MGAT4C: variants seen among roughly 807,000 people sequenced by gnomAD.
MGAT4C encodes alpha-1,3-mannosyl-glycoprotein 4-beta-N-acetylglucosaminyltransferase C.
A neutral mutation model predicts 40.1 loss-of-function variants in MGAT4C; 19 were observed. That is an observed-to-expected ratio of 0.47 (90% CI 0.33 to 0.70). The LOEUF (loss-of-function observed/expected upper bound fraction) is 0.70. Ranked by LOEUF, MGAT4C falls within the 30% of genes least tolerant of loss-of-function variation. MGAT4C has a pLI of 0.02. For synonymous variants in MGAT4C, 181 were observed against 187.1 expected (o/e 0.97, Z 0.27); for missense variants, 491 against 563.2 (o/e 0.87, Z 1.30).
At chr12:86,037,221 T>C (rs1189135006) in intron 2 of MGAT4C, among the ~76,000 whole-genome samples, 1 of 150,082 alleles carries the variant, frequency 6.7e-6, no homozygotes, top group African/African-American at 2.4e-5. Flanking sequence ...TCGATTTCGT[T>C]GATCTTTTCA....
intron 2 of MGAT4C, among the ~76,000 whole-genome samples, chr12:86,587,574 A>C (rs936598190): frequency 1.1e-4 from 16 of 152,086 alleles, no homozygotes; most frequent in Admixed American, 8.5e-4. Context: ...CATTCTTCCT[A>C]CCCATGAGCA....
intron 2 of MGAT4C, among the ~76,000 whole-genome samples, chr12:86,581,975 T>C (rs912724659): frequency 6.6e-6 from 1 of 151,522 alleles, no homozygotes; most frequent in Admixed American, 6.6e-5. Flanking sequence ...GTCCGTGTCT[T>C]ATAGATTTTC....
chr12:86,302,805 T>C (rs1304329233), intron 4 of MGAT4C, among the ~76,000 whole-genome samples: 1 of 150,624 alleles, frequency 6.6e-6, no homozygotes, highest in Admixed American at 6.6e-5. Context: ...TTAGGAAGAT[T>C]ACAGAATCTG....
At chr12:86,323,905 T>C (rs1240596288) in intron 4 of MGAT4C, among the ~76,000 whole-genome samples, 1 of 151,910 alleles carries the variant, frequency 6.6e-6, no homozygotes, top group Non-Finnish European at 1.5e-5. Flanking sequence ...CCATGAATTA[T>C]TCAAGTTTAT....
In MGAT4C at chr12:85,968,366, A is replaced by G. The variant is rs944950342; in HGVS notation, c.*10923T>C. 6.6e-6 allele frequency: 1 copy of G among 152,004 alleles called. No homozygotes were observed. Among genetic ancestry groups the G allele is most frequent in the Non-Finnish European group, 1.5e-5 (1 of 67,926 alleles). 9.4% of individuals were successfully genotyped at this position (152,004 alleles called of 1,614,324 possible). On this transcript the variant is annotated 3_prime_UTR_variant, in exon 5 of 5. Coordinates refer to ENST00000611864, the MANE Select transcript of MGAT4C (RefSeq NM_001351288.2). Reference sequence around the variant, plus strand: ...GTTAAAAAGTGGATTTATAGTCTCTAATTAATAAGGTGCATATGTCAAGAC... The same window carrying G: ...GTTAAAAAGTGGATTTATAGTCTCTGATTAATAAGGTGCATATGTCAAGAC...
At chr12:86,276,501 A>G (rs1411350457) in intron 4 of MGAT4C, among the ~76,000 whole-genome samples, 1 of 152,184 alleles carries the variant, frequency 6.6e-6, no homozygotes, top group Non-Finnish European at 1.5e-5. Context: ...GGTATCAAAT[A>G]GTAGAAGGTA....
chr12:86,479,967 C>T (rs1957905643), intron 2 of MGAT4C, among the ~76,000 whole-genome samples: 1 of 151,574 alleles, frequency 6.6e-6, no homozygotes, highest in African/African-American at 2.4e-5. Context: ...AGAAAGGATC[C>T]TAAGTTAATT....
intron 2 of MGAT4C, among the ~76,000 whole-genome samples, chr12:86,555,852 T>C (rs1041331982): frequency 6.6e-6 from 1 of 152,124 alleles, no homozygotes; most frequent in Admixed American, 6.5e-5. Context: ...TGGACCTGCT[T>C]TTCTCTCTCA....
intron 2 of MGAT4C, among the ~76,000 whole-genome samples, chr12:86,476,520 G>A (rs1957837753): frequency 6.6e-6 from 1 of 151,950 alleles, no homozygotes; most frequent in Admixed American, 6.6e-5. Flanking sequence ...GCAGTTTGGA[G>A]ATTTCTCAAA....
At position 86,494,785 on chromosome 12, in the gene MGAT4C, T is replaced by C. The variant is rs975936211; in HGVS notation, c.-228-59520A>G. 4.6e-5 allele frequency among the ~76,000 whole-genome samples: 7 copies of C among 151,848 alleles called. No homozygotes were observed. In the East Asian group the frequency reaches 1.3e-3, roughly 29 times the overall value. ...TCAAATAGAGAAATAGAGGAAATAA[T>C]AAAAATAGGCAACTAGTTCATCAAA... On this transcript the variant is annotated intron_variant, in intron 2 of 7. Coordinates refer to the MGAT4C transcript ENST00000548651.
intron 1 of MGAT4C, among the ~76,000 whole-genome samples, chr12:86,770,149 T>C (rs1008818782): frequency 6.6e-6 from 1 of 152,054 alleles, no homozygotes; most frequent in South Asian, 2.1e-4. Flanking sequence ...AGAGACTATT[T>C]TTTTTCATAG....
chr12:86,698,137 T>C (rs1379686711), intron 2 of MGAT4C, among the ~76,000 whole-genome samples: 1 of 152,048 alleles, frequency 6.6e-6, no homozygotes, highest in Non-Finnish European at 1.5e-5. Context: ...TGAGAAATAC[T>C]TGCAACACAT....
chr12:86,388,675 GTTTTTTT>G (rs752469980), intron 3 of MGAT4C, among the ~76,000 whole-genome samples: 3 of 98,752 alleles, frequency 3.0e-5, no homozygotes, highest in East Asian at 3.1e-4. Context: ...AGCGTTTTTT[GTTTTTTT>G]TTTTTTTTTT....
At chr12:86,020,825 G>A (rs1035693899) in intron 2 of MGAT4C, among the ~76,000 whole-genome samples, 8 of 152,068 alleles carry the variant, frequency 5.3e-5, no homozygotes, top group African/African-American at 1.9e-4. Context: ...GAAAATTTTT[G>A]CAATCTGCTC....
chr12:86,043,907 TG>T (rs1306944137), intron 2 of MGAT4C, among the ~76,000 whole-genome samples: 1 of 152,244 alleles, frequency 6.6e-6, no homozygotes, highest in East Asian at 1.9e-4. Flanking sequence ...GAACCATTGC[TG>T]GGGAACCAGC....
chr12:86,501,382 T>C (rs1958337822), intron 2 of MGAT4C, among the ~76,000 whole-genome samples: 1 of 152,102 alleles, frequency 6.6e-6, no homozygotes, highest in African/African-American at 2.4e-5. Context: ...GAAGTGCAGG[T>C]TTGTTACACA....
chr12:86,239,902 G>A (rs1951705316), intron 1 of MGAT4C, among the ~76,000 whole-genome samples: 1 of 149,694 alleles, frequency 6.7e-6, no homozygotes, highest in Admixed American at 6.7e-5. Context: ...GGGAGGGATA[G>A]CATTGGGAGA....
intron 2 of MGAT4C, among the ~76,000 whole-genome samples, chr12:86,493,357 T>C (rs1958175283): frequency 6.6e-6 from 1 of 152,052 alleles, no homozygotes; most frequent in African/African-American, 2.4e-5. Flanking sequence ...CGTATGTTTA[T>C]TGCGGCACTA....
In MGAT4C at chr12:85,959,685, C is replaced by A. The variant is rs921983832; in HGVS notation, c.*19604G>T. 1 of 150,742 alleles carries A rather than the reference C, an allele frequency of 6.6e-6. No individual in the cohort carries two copies. Among genetic ancestry groups the A allele is most frequent in the Non-Finnish European group, 1.5e-5 (1 of 67,666 alleles). The allele number at this position is 150,742 out of a possible 1,614,324, so 9.3% of individuals were successfully genotyped here. A position where few individuals can be genotyped will look rare whatever the true frequency, so the allele number is the denominator to read the frequency against. On this transcript the variant is annotated 3_prime_UTR_variant, in exon 5 of 5. Transcript: ENST00000611864. ...GCCGCTCATCTTTCACTCACCTTAA[C>A]AATTTCTCACTTTTTTCTGCTTTTT... is the stretch of plus-strand genomic sequence containing the variant.
Sources: gnomAD v4.1 joint callset for allele counts (sites outside exome capture counted in the v4.1 genomes callset) on GRCh38, gnomAD v4.1.1 for gene constraint, MANE v1.5 for transcripts, NCBI Gene and HGNC (gene_info 2026-07-23, HGNC 2026-07-21) for gene names.